The following COL4A6 variants were observed in gnomAD, a reference collection of about 807,000 sequenced individuals.
The protein encoded by COL4A6 is collagen type IV alpha 6 chain.
In COL4A6, 59 loss-of-function variants were observed where a neutral mutation model predicts 126.7. The ratio of observed to expected loss-of-function variants is 0.47; its 90% confidence interval spans 0.38 to 0.58. COL4A6 has a LOEUF of 0.58. Ranked by LOEUF, COL4A6 falls within the 20% of genes least tolerant of loss-of-function variation. COL4A6 has a pLI of 0.00. For synonymous variants in COL4A6, 547 were observed against 496.6 expected, an observed-to-expected ratio of 1.10 and a Z score of -1.35; for missense variants, 1,285 against 1,337.3, an observed-to-expected ratio of 0.96 and a Z score of 0.61.
At chrX:108,193,005 A>T (rs1052656497) in intron 17 of COL4A6, among the ~76,000 whole-genome samples, 3 of 112,234 alleles carry the variant, frequency 2.7e-5, no homozygotes, top group African/African-American at 6.5e-5. Context: ...GGATGAGAGG[A>T]GAGGGATAAG....
At position 108,288,290 on chromosome X, in the gene COL4A6, G is replaced by A. The variant is rs191730338; in HGVS notation, c.144+22458C>T. The stretch of plus-strand genomic sequence containing the variant: ...TAAGGTCAAATACCTGGATGAAAAC[G>A]AAAAGCTCTGTCATTTCCCATGAGA... On this transcript the variant is annotated intron_variant, in intron 3 of 44. Transcript: ENST00000334504. 2.7e-5 allele frequency among the ~76,000 whole-genome samples: 3 copies of A among 111,873 alleles called. No individual in the cohort carries two copies. The East Asian group carries it at 8.4e-4, about 31-fold the overall frequency.
At position 108,349,504 on chromosome X, in the gene COL4A6, C is replaced by T. The variant is rs532874650; in HGVS notation, c.64-38676G>A. ...CATCTGTGGGACCTCAGGCAAGTTA[C>T]CTAACTTTTCTGAGCCTCCATTTCC... On this transcript the variant is annotated intron_variant, in intron 2 of 44. Coordinates refer to ENST00000334504, the MANE Select transcript of COL4A6 (RefSeq NM_033641.4). Among the ~76,000 whole-genome samples, 7 of 111,780 alleles carry T rather than the reference C, an allele frequency of 6.3e-5. No homozygotes were observed. In the South Asian group the frequency reaches 2.7e-3, roughly 43 times the overall value.
In COL4A6 at chrX:108,172,524, T is replaced by C; in HGVS notation, c.3147A>G (p.Gln1049=). 1 of 1,203,927 alleles carries C rather than the reference T, an allele frequency of 8.3e-7. No individual in the cohort carries two copies. The highest frequency in any genetic ancestry group is 1.1e-6 in the Non-Finnish European group (1 of 890,721). ...GGAGTCCAGGCGACCCTCTGATACC[T>C]TGTGAACCCTTCGAAGCAATATGGG... The part of the protein sequence containing the change: ...FPGMPGESGS[Q]GIRGSPGLPG... Residue 1049 remains glutamine (Q), a synonymous_variant, in exon 32 of 45, where the codon CAA becomes CAG. Transcript: ENST00000334504.
intron 3 of COL4A6, among the ~76,000 whole-genome samples, chrX:108,282,570 A>C (rs987118754): frequency 1.8e-5 from 2 of 111,145 alleles, no homozygotes; most frequent in African/African-American, 3.3e-5. Flanking sequence ...TAGTTCAACC[A>C]TTGTGGAAGT....
intron 3 of COL4A6, among the ~76,000 whole-genome samples, chrX:108,245,775 A>T (rs2036703356): frequency 8.9e-6 from 1 of 111,847 alleles, no homozygotes; most frequent in East Asian, 2.8e-4. Context: ...GGAAGAAGGA[A>T]TTCAAGCTCT....
intron 3 of COL4A6, among the ~76,000 whole-genome samples, chrX:108,236,938 G>A (rs146548060): frequency 0.03 from 3,340 of 111,310 alleles, 115 homozygotes; most frequent in African/African-American, 0.1. Flanking sequence ...CTTCATCATC[G>A]TCTTCACTGG....
At chrX:108,359,852 A>G (rs774892695) in intron 2 of COL4A6, among the ~76,000 whole-genome samples, 1 of 112,498 alleles carries the variant, frequency 8.9e-6, no homozygotes, top group Non-Finnish European at 1.9e-5. Context: ...CCTACATAAC[A>G]TATTTGCAGT....
chrX:108,189,272 T>C (rs1055854035), intron 20 of COL4A6, among the ~76,000 whole-genome samples: 1 of 112,290 alleles, frequency 8.9e-6, no homozygotes, highest in Admixed American at 9.4e-5. Flanking sequence ...AAGAGAATAG[T>C]CTGTTCTTCA....
intron 3 of COL4A6, among the ~76,000 whole-genome samples, chrX:108,251,526 T>C (rs1389388222): frequency 8.9e-6 from 1 of 111,834 alleles, no homozygotes; most frequent in Non-Finnish European, 1.9e-5. Flanking sequence ...TTAACTTCTT[T>C]CATAGTACTT....
chrX:108,416,761 A>G (rs2148257462), intron 2 of COL4A6, among the ~76,000 whole-genome samples: 1 of 112,083 alleles, frequency 8.9e-6, no homozygotes, highest in African/African-American at 3.2e-5. Flanking sequence ...TAACAAGCCA[A>G]GTTACTGCAT....
intron 11 of COL4A6, 119 bp from the exon 12 acceptor site, chrX:108,204,531 A>G (rs1230741892): frequency 3.2e-6 from 2 of 621,162 alleles, no homozygotes; most frequent in East Asian, 6.5e-5. Context: ...TGGCCTCTTC[A>G]CCCTCATGCC....
intron 3 of COL4A6, among the ~76,000 whole-genome samples, chrX:108,258,988 T>A (rs2037083349): frequency 9.0e-6 from 1 of 111,338 alleles, no homozygotes; most frequent in Non-Finnish European, 1.9e-5. Flanking sequence ...TCAATGTTAG[T>A]ACACTTAATA....
chrX:108,267,581 G>T (rs1189178707), intron 3 of COL4A6: 2 of 112,433 alleles, frequency 1.8e-5, no homozygotes, highest in African/African-American at 6.5e-5. Context: ...GTGATAATTT[G>T]TTAAAGTGAG....
At position 108,160,610 on chromosome X, in the gene COL4A6, C is replaced by G. The variant is rs773873038; in HGVS notation, c.4378G>C (p.Gly1460Arg). 7 of 1,208,503 alleles carry G rather than the reference C, an allele frequency of 5.8e-6. No homozygotes were observed. Reference sequence around the variant, plus strand: ...GTGTAGCCCACTCTCATGCTCTGGCCAGGCATTCCAGGCATCCCGAAGGGG... The same window carrying G: ...GTGTAGCCCACTCTCATGCTCTGGCGAGGCATTCCAGGCATCCCGAAGGGG... Reference protein sequence around the residue: ...QGPFGMPGMPGQSMRVGYTLV... With the variant: ...QGPFGMPGMPRQSMRVGYTLV... Residue 1460 changes from glycine to arginine, a missense_variant, in exon 43 of 45, where the codon GGC (glycine) becomes CGC (arginine). Gly to Arg is a moderately radical substitution (Grantham distance 125). Transcript: ENST00000334504.
In COL4A6 at chrX:108,179,957, T is replaced by C. The variant is rs183963056; in HGVS notation, c.2132-519A>G. Among the ~76,000 whole-genome samples, 111 of 109,717 alleles carry C rather than the reference T, an allele frequency of 1.0e-3. 5 individuals carry two copies. In the East Asian group the frequency reaches 0.031, roughly 31 times the overall value. On this transcript the variant is annotated intron_variant, in intron 25 of 44. Coordinates refer to ENST00000334504, the MANE Select transcript of COL4A6 (RefSeq NM_033641.4). The stretch of plus-strand genomic sequence containing the variant: ...CAGAGGTTATGATCAGCAGATCCTG[T>C]GGAGAGGCAGAAAATTTGCATTTCC...
chrX:108,165,614 C>T (rs752567711), intron 37 of COL4A6, 128 bp from the exon 38 acceptor site: 5 of 420,173 alleles, frequency 1.2e-5, no homozygotes, highest in South Asian at 5.1e-5. Context: ...GACCAGAGAA[C>T]GCCAGCAGAG....
At chrX:108,294,448 G>A (rs2038263546) in intron 3 of COL4A6, among the ~76,000 whole-genome samples, 1 of 105,198 alleles carries the variant, frequency 9.5e-6, no homozygotes, top group Non-Finnish European at 2.0e-5. Context: ...GTGTAGGTAG[G>A]CAGGAGGATG....
chrX:108,359,063 T>C (rs1242604204), intron 2 of COL4A6, among the ~76,000 whole-genome samples: 2 of 112,141 alleles, frequency 1.8e-5, no homozygotes, highest in Non-Finnish European at 3.8e-5. Context: ...AGCAGATCTG[T>C]CCATAGTGTT....
At chrX:108,393,403 T>A (rs752878715) in intron 2 of COL4A6, among the ~76,000 whole-genome samples, 2 of 112,193 alleles carry the variant, frequency 1.8e-5, no homozygotes, top group Non-Finnish European at 3.8e-5. Flanking sequence ...ACTGTATGGT[T>A]TCATTTATAT....
Sources: gnomAD v4.1 joint callset for allele counts (sites outside exome capture counted in the v4.1 genomes callset) on GRCh38, gnomAD v4.1.1 for gene constraint, MANE v1.5 for transcripts, NCBI Gene and HGNC (gene_info 2026-07-23, HGNC 2026-07-21) for gene names.